Variants in TSPAN15 observed in about 807,000 individuals in gnomAD.
TSPAN15 encodes tetraspanin 15, also known as tetraspanin-15.
TSPAN15 carries 20 observed loss-of-function variants against 34.5 expected under a neutral mutation model. The observed-to-expected ratio is 0.58, with a 90% CI of 0.41 to 0.84. The LOEUF (loss-of-function observed/expected upper bound fraction) is 0.84. Ranked by LOEUF, TSPAN15 falls within the 40% of genes least tolerant of loss-of-function variation. The pLI is 0.00. For missense variants in TSPAN15, 313 were observed against 386.1 expected (o/e 0.81, Z 1.59); for synonymous variants, 155 against 153.9 (o/e 1.01, Z -0.05).
At chr10:69,515,043 A>C in the TSPAN15 span, among the ~76,000 whole-genome samples, 2 of 152,154 alleles carry the variant, frequency 1.3e-5, no homozygotes, top group African/African-American at 4.8e-5. Context: ...CTGCATTGCT[A>C]GGTCCTATGT....
the TSPAN15 span, among the ~76,000 whole-genome samples, chr10:69,536,877 G>A: frequency 2.6e-5 from 4 of 151,762 alleles, no homozygotes; most frequent in East Asian, 3.9e-4. Flanking sequence ...CCAGCTATTC[G>A]GGAGGCTGAG....
At chr10:69,509,259 G>T (rs1459642157), downstream of TSPAN15, among the ~76,000 whole-genome samples, 1 of 135,432 alleles carries the variant, frequency 7.4e-6, no homozygotes, top group Non-Finnish European at 1.6e-5. Flanking sequence ...CCGCTGGCCA[G>T]CTGCTTATGT....
At chr10:69,547,159 G>A in the TSPAN15 span, among the ~76,000 whole-genome samples, 11 of 151,700 alleles carry the variant, frequency 7.3e-5, no homozygotes, top group Middle Eastern at 3.4e-3. Context: ...CTGAGATGGC[G>A]CCACTGCACT....
intron 1 of TSPAN15, among the ~76,000 whole-genome samples, chr10:69,465,411 A>T (rs752549912): frequency 1.3e-5 from 2 of 152,186 alleles, no homozygotes; most frequent in Non-Finnish European, 2.9e-5. Flanking sequence ...CCGGCCTCAC[A>T]TGGAATGAAA....
chr10:69,538,977 G>A, the TSPAN15 span, among the ~76,000 whole-genome samples: 1 of 152,084 alleles, frequency 6.6e-6, no homozygotes, highest in South Asian at 2.1e-4. Context: ...AAATGAAGGG[G>A]TAGTCAACAG....
intron 1 of TSPAN15, among the ~76,000 whole-genome samples, chr10:69,463,178 A>T (rs1372171976): frequency 6.6e-6 from 1 of 152,266 alleles, no homozygotes; most frequent in Non-Finnish European, 1.5e-5. Flanking sequence ...CTTAACTTTT[A>T]TGAGTCAGGG....
intron 6 of TSPAN15, 86 bp downstream of exon 6, chr10:69,504,571 G>T: frequency 1.5e-6 from 2 of 1,356,732 alleles, no homozygotes; most frequent in South Asian, 1.2e-5. Context: ...TGAGGTCGGG[G>T]TCCTGGCCAC....
At chr10:69,481,974 A>G (rs1211102622) in intron 1 of TSPAN15, among the ~76,000 whole-genome samples, 1 of 152,046 alleles carries the variant, frequency 6.6e-6, no homozygotes, top group Non-Finnish European at 1.5e-5. Flanking sequence ...TGCTGATTCT[A>G]CTTCCTCAGT....
At chr10:69,482,014 G>A (rs548363197) in intron 1 of TSPAN15, among the ~76,000 whole-genome samples, 3 of 149,814 alleles carry the variant, frequency 2.0e-5, no homozygotes, top group African/African-American at 4.9e-5. Context: ...GGGGATGTCC[G>A]AAGCAATTGA....
intron 1 of TSPAN15, among the ~76,000 whole-genome samples, chr10:69,475,583 A>G (rs1841598406): frequency 6.6e-6 from 1 of 152,188 alleles, no homozygotes; most frequent in Admixed American, 6.5e-5. Flanking sequence ...GTTCTGGATT[A>G]GAAATTCCAC....
chr10:69,507,659 T>G lies in TSPAN15; in HGVS notation c.*681T>G, dbSNP rs1272998645. On this transcript the variant is annotated 3_prime_UTR_variant, in exon 8 of 8. Coordinates refer to ENST00000373290, the MANE Select transcript of TSPAN15 (RefSeq NM_012339.5). The stretch of plus-strand genomic sequence containing the variant: ...TCAAACAATAAAAACATGTTTTTTT[T>G]TTTTTTTTTTTTTTGCCTTTCCTGT... 139 of 1,238,220 alleles carry G rather than the reference T, an allele frequency of 1.1e-4. 1 individual carries two copies. Among genetic ancestry groups the G allele is most frequent in the Middle Eastern group, 7.1e-4 (3 of 4,254 alleles). The allele number at this position is 1,238,220 out of a possible 1,614,324, so 76.7% of individuals were successfully genotyped here. A position where few individuals can be genotyped will look rare whatever the true frequency, so the allele number is the denominator to read the frequency against.
intron 1 of TSPAN15, among the ~76,000 whole-genome samples, chr10:69,460,634 T>G (rs375877571): frequency 7.2e-5 from 11 of 152,150 alleles, no homozygotes; most frequent in East Asian, 5.8e-4. Context: ...GCTGCCTGAC[T>G]GTGGTGGCCT....
intron 5 of TSPAN15, 25 bp downstream of exon 5, chr10:69,498,421 G>C (rs374475148): frequency 6.3e-7 from 1 of 1,596,112 alleles, no homozygotes; most frequent in African/African-American, 1.3e-5. Flanking sequence ...TGTGGGGACT[G>C]GGGGGCTGTC....
chr10:69,533,595 T>C, the TSPAN15 span, among the ~76,000 whole-genome samples: 2 of 151,802 alleles, frequency 1.3e-5, no homozygotes, highest in Non-Finnish European at 2.9e-5. Flanking sequence ...TGCACCAAAA[T>C]CTCACAAATC....
intron 5 of TSPAN15, among the ~76,000 whole-genome samples, chr10:69,501,215 G>C (rs889603086): frequency 2.6e-5 from 4 of 152,180 alleles, no homozygotes; most frequent in Admixed American, 1.3e-4. Flanking sequence ...TCAAAGATGC[G>C]GTTGGATATA....
chr10:69,478,013 C>T (rs139834840), intron 1 of TSPAN15, among the ~76,000 whole-genome samples: 148 of 152,248 alleles, frequency 9.7e-4, no homozygotes, highest in African/African-American at 3.1e-3. Flanking sequence ...GGCCCACAAG[C>T]GGGAAGTGAC....
intron 3 of TSPAN15, 25 bp downstream of exon 3, chr10:69,485,240 G>A (rs201889626): frequency 7.4e-6 from 12 of 1,611,840 alleles, no homozygotes; most frequent in Admixed American, 6.7e-5. Context: ...TTGTGTATCG[G>A]CCATGTGTGT....
Position 69,507,649 on chromosome 10 carries a change from ATGT to A in TSPAN15, c.*673_*675del, listed in dbSNP as rs769098872. On this transcript the variant is annotated 3_prime_UTR_variant, in exon 8 of 8. Transcript: ENST00000373290. ...AGTTTGTTAATCAAACAATAAAAAC[ATGT>A]TTTTTTTTTTTTTTTTTTTTTGCCT... 32 of 1,153,778 alleles carry A rather than the reference ATGT, an allele frequency of 2.8e-5. No individual in the cohort carries two copies. The South Asian group carries it at 3.1e-4, about 11-fold the overall frequency. The allele number at this position is 1,153,778 out of a possible 1,614,324, so 71.5% of individuals were successfully genotyped here. A position where few individuals can be genotyped will look rare whatever the true frequency, so the allele number is the denominator to read the frequency against.
intron 3 of TSPAN15, among the ~76,000 whole-genome samples, chr10:69,490,957 C>T (rs914843173): frequency 6.6e-6 from 1 of 152,200 alleles, no homozygotes; most frequent in Admixed American, 6.5e-5. Context: ...GCAGAGCGGT[C>T]GGCCTTACAG....
Sources: gnomAD v4.1 joint callset for allele counts (sites outside exome capture counted in the v4.1 genomes callset) on GRCh38, gnomAD v4.1.1 for gene constraint, MANE v1.5 for transcripts, NCBI Gene and HGNC (gene_info 2026-07-23, HGNC 2026-07-21) for gene names.